SPZ1: variants seen among roughly 807,000 people sequenced by gnomAD.
SPZ1 encodes spermatogenic leucine zipper protein 1.
For missense variants in SPZ1, 408 were observed against 486.2 expected (o/e 0.84, Z 1.51); for synonymous variants, 160 against 167.6 (o/e 0.95, Z 0.35).
chr5:80,320,166 C>A lies in SPZ1; in HGVS notation c.-50C>A. On this transcript the variant is annotated 5_prime_UTR_variant, in exon 1 of 1. Coordinates refer to ENST00000296739, the MANE Select transcript of SPZ1 (RefSeq NM_032567.4). ...CACCCACATTTGCACAAAGGACCAT[C>A]ACCTGTCCTTCCTGGAATCTCTAAA... 1 of 1,417,896 alleles carries A rather than the reference C, an allele frequency of 7.1e-7. No individual in the cohort carries two copies. The highest frequency in any genetic ancestry group is 1.3e-5 in the South Asian group (1 of 75,804). 87.8% of individuals were successfully genotyped at this position (1,417,896 alleles called of 1,614,324 possible).
Position 80,321,328 on chromosome 5 carries a change from G to T in SPZ1, c.1113G>T (p.Lys371Asn). ...AAAATCAGAAGCCATCAGAAGCAAA[G>T]AAAGTAGAAATGTATAAGCAGAACA... is the stretch of plus-strand genomic sequence containing the variant. ...DKKNQKPSEA[K>N]KVEMYKQNKQ... The change falls in exon 1 of 1, where the codon AAG becomes AAT. Residue 371 changes from lysine (K) to asparagine (N), a missense_variant. Physicochemically the swap from Lys to Asn is moderately conservative, Grantham distance 94. Transcript: ENST00000296739. The T allele has an allele frequency of 3.1e-6, 5 of 1,611,574 alleles. No individual in the cohort carries two copies. The highest frequency in any genetic ancestry group is 1.3e-5 in the African/African-American group (1 of 74,724).
rs1743528942 is a variant in SPZ1, at chr5:80,320,392, A to G, written c.177A>G (p.Gln59=). The G allele has an allele frequency of 2.5e-6, 4 of 1,614,074 alleles. No homozygotes were observed. The East Asian group carries it at 8.9e-5, about 36-fold the overall frequency. The change falls in exon 1 of 1, where the codon CAA becomes CAG. Residue 59 remains glutamine, a synonymous_variant. Coordinates refer to ENST00000296739, the MANE Select transcript of SPZ1 (RefSeq NM_032567.4). Reference sequence around the variant, plus strand: ...CTTTCCTAAAGAATAGCAGCCATCAAGTTACAGAACAACAGACTGCACAGA... The same window carrying G: ...CTTTCCTAAAGAATAGCAGCCATCAGGTTACAGAACAACAGACTGCACAGA... ...SLPFLKNSSH[Q]VTEQQTAQKF...
chr5:80,320,323 A>C lies in SPZ1; in HGVS notation c.108A>C (p.Leu36Phe), dbSNP rs760335975. Residue 36 changes from leucine (L) to phenylalanine (F), a missense_variant, in exon 1 of 1, where the codon TTA (leucine) becomes TTC (phenylalanine). By Grantham distance (22) the Leu-to-Phe change is conservative. Coordinates refer to ENST00000296739, the MANE Select transcript of SPZ1 (RefSeq NM_032567.4). Reference sequence around the variant, plus strand: ...TGGACCCTAGGATTACCATTGCCTTATTCGAAATTGGATCACATTCCCCTT... The same window carrying C: ...TGGACCCTAGGATTACCATTGCCTTCTTCGAAATTGGATCACATTCCCCTT... The part of the protein sequence containing the change: ...EYLDPRITIA[L>F]FEIGSHSPSS... 6.2e-7 allele frequency: 1 copy of C among 1,614,070 alleles called. No individual in the cohort carries two copies. Among genetic ancestry groups the C allele is most frequent in the Non-Finnish European group, 8.5e-7 (1 of 1,179,990 alleles).
chr5:80,320,056 G>A lies in SPZ1; in HGVS notation c.-160G>A. The A allele has an allele frequency of 4.9e-6, 3 of 615,412 alleles. No homozygotes were observed. The highest frequency in any genetic ancestry group is 4.4e-4 in the Middle Eastern group (1 of 2,274). 38.1% of individuals were successfully genotyped at this position (615,412 alleles called of 1,614,324 possible). A position where few individuals can be genotyped will look rare whatever the true frequency, so the allele number is the denominator to read the frequency against. ...ACCCTTCCTCCCCACAAGGCTGTCT[G>A]AGATGCCACCTTCCACCTAAACATC... is the stretch of plus-strand genomic sequence containing the variant. On this transcript the variant is annotated 5_prime_UTR_variant, in exon 1 of 1. Coordinates refer to ENST00000296739, the MANE Select transcript of SPZ1 (RefSeq NM_032567.4).
chr5:80,321,808 T>G lies in SPZ1; in HGVS notation c.*300T>G, dbSNP rs1274125657. The G allele has an allele frequency of 6.8e-5, 14 of 205,388 alleles. No homozygotes were observed. 12.7% of individuals were successfully genotyped at this position (205,388 alleles called of 1,614,324 possible). A position where few individuals can be genotyped will look rare whatever the true frequency, so the allele number is the denominator to read the frequency against. On this transcript the variant is annotated 3_prime_UTR_variant, in exon 1 of 1. Coordinates refer to ENST00000296739, the MANE Select transcript of SPZ1 (RefSeq NM_032567.4). ...GTGAGAAGTTAAAGGTCCAATTAAG[T>G]AAAGATCTAAATAAAAACCAGAATA...
Position 80,320,820 on chromosome 5 carries a change from C to A in SPZ1, c.605C>A (p.Thr202Asn). The change falls in exon 1 of 1, where the codon ACC becomes AAC. Residue 202 changes from threonine to asparagine, a missense_variant. Physicochemically the swap from Thr to Asn is moderately conservative, Grantham distance 65 (BLOSUM62 0). Transcript: ENST00000296739. ...ATGGAAAACCAGAACTCTGAGAACA[C>A]CGCACAAGTTTTTGCAAGAGATTTG... ...MIMENQNSEN[T>N]AQVFARDLVN... 2 of 1,614,102 alleles carry A rather than the reference C, an allele frequency of 1.2e-6. No homozygotes were observed. The highest frequency in any genetic ancestry group is 2.2e-5 in the South Asian group (2 of 91,072).
Position 80,320,944 on chromosome 5 carries a change from T to C in SPZ1, c.729T>C (p.Ile243=), listed in dbSNP as rs1465455330. ...RLNVQEETMK[I]RNNMEQLLQE... is the part of the protein sequence containing the mutation. The stretch of plus-strand genomic sequence containing the variant: ...ATGTTCAAGAAGAAACTATGAAAAT[T>C]AGGAACAACATGGAGCAGTTACTAC... The change falls in exon 1 of 1, where the codon ATT becomes ATC. Residue 243 remains isoleucine (I), a synonymous_variant. Coordinates refer to ENST00000296739, the MANE Select transcript of SPZ1 (RefSeq NM_032567.4). 6.2e-7 allele frequency: 1 copy of C among 1,610,652 alleles called. No individual in the cohort carries two copies. The highest frequency in any genetic ancestry group is 1.7e-5 in the Admixed American group (1 of 59,218).
In SPZ1 at chr5:80,320,599, T is replaced by C. The variant is rs755075819; in HGVS notation, c.384T>C (p.Pro128=). 1.2e-6 allele frequency: 2 copies of C among 1,613,568 alleles called. No homozygotes were observed. The highest frequency in any genetic ancestry group is 3.3e-4 in the Middle Eastern group (2 of 6,006). The change falls in exon 1 of 1, where the codon CCT becomes CCC. Residue 128 remains proline, a synonymous_variant. Transcript: ENST00000296739. ...ATGAAATGTTATCAACAAACCTGCC[T>C]GTTAGTTTAGCCCCAGAGAAAGAAG... is the stretch of plus-strand genomic sequence containing the variant. ...KINEMLSTNL[P]VSLAPEKEDN... is the part of the protein sequence containing the mutation.
chr5:80,321,495 G>T lies in SPZ1; in HGVS notation c.1280G>T (p.Ser427Ile). ...KALRGKMRSA[S>I]SLR ...CTTAGGGGAAAAATGAGGTCAGCTA[G>T]CAGCCTAAGATAGAAAATACCAAAA... Residue 427 changes from serine to isoleucine, a missense_variant, in exon 1 of 1, where the codon AGC becomes ATC. Transcript: ENST00000296739. 1 of 1,578,252 alleles carries T rather than the reference G, an allele frequency of 6.3e-7. No individual in the cohort carries two copies. Among genetic ancestry groups the T allele is most frequent in the Non-Finnish European group, 8.6e-7 (1 of 1,169,574 alleles).
In SPZ1 at chr5:80,321,006, T is replaced by C; in HGVS notation, c.791T>C (p.Leu264Pro). The C allele has an allele frequency of 6.2e-7, 1 of 1,614,094 alleles. No homozygotes were observed. ...AEHWSKQHTE[L>P]SKLIKSYQKS... ...CACTGGAGTAAACAACATACTGAGC[T>C]CAGTAAACTGATAAAATCCTATCAG... Residue 264 changes from leucine (L) to proline (P), a missense_variant, in exon 1 of 1, where the codon CTC (leucine) becomes CCC (proline). By Grantham distance (98) the Leu-to-Pro change is moderately conservative. Coordinates refer to ENST00000296739, the MANE Select transcript of SPZ1 (RefSeq NM_032567.4).
Position 80,320,274 on chromosome 5 carries a change from C to G in SPZ1, c.59C>G (p.Thr20Ser). 2 of 1,613,784 alleles carry G rather than the reference C, an allele frequency of 1.2e-6. No homozygotes were observed. Among genetic ancestry groups the G allele is most frequent in the Non-Finnish European group, 1.7e-6 (2 of 1,179,836 alleles). The change falls in exon 1 of 1, where the codon ACT (threonine) becomes AGT (serine). Residue 20 changes from threonine to serine, a missense_variant. Physicochemically the swap from Thr to Ser is moderately conservative, Grantham distance 58. Transcript: ENST00000296739. The stretch of plus-strand genomic sequence containing the variant: ...ACCATCTCCAAAACCGTTAACCCTA[C>G]TCCTGATCCTCATCAAGAATATCTG... ...MPTISKTVNPTPDPHQEYLDP... is the reference protein window; with the variant it reads ...MPTISKTVNPSPDPHQEYLDP...
chr5:80,321,643 G>A lies in SPZ1; in HGVS notation c.*135G>A, dbSNP rs748817375. On this transcript the variant is annotated 3_prime_UTR_variant, in exon 1 of 1. Transcript: ENST00000296739. ...CCAAGAAAGAGCTATAGAATAAGGA[G>A]ATTGACACTTATATTACTCATTACT... 3.2e-6 allele frequency: 2 copies of A among 626,140 alleles called. No homozygotes were observed. The highest frequency in any genetic ancestry group is 5.4e-6 in the Non-Finnish European group (2 of 368,806). 38.8% of individuals were successfully genotyped at this position (626,140 alleles called of 1,614,324 possible).
Position 80,320,827 on chromosome 5 carries a change from A to G in SPZ1, c.612A>G (p.Gln204=), listed in dbSNP as rs773172335. The change falls in exon 1 of 1, where the codon CAA becomes CAG. Residue 204 remains glutamine (Q), a synonymous_variant. Coordinates refer to ENST00000296739, the MANE Select transcript of SPZ1 (RefSeq NM_032567.4). ...ACCAGAACTCTGAGAACACCGCACAAGTTTTTGCAAGAGATTTGGTAAATC... is the reference window on the plus strand; with the variant it reads ...ACCAGAACTCTGAGAACACCGCACAGGTTTTTGCAAGAGATTTGGTAAATC... ...MENQNSENTA[Q]VFARDLVNRL... is the part of the protein sequence containing the mutation. 1.1e-5 allele frequency: 17 copies of G among 1,614,208 alleles called. No homozygotes were observed. Among genetic ancestry groups the G allele is most frequent in the Non-Finnish European group, 1.4e-5 (17 of 1,180,040 alleles).
rs750326794 is a variant in SPZ1 at position 80,320,884 on chromosome 5, T to A, written c.669T>A (p.Thr223=). ...AAGAAAAAAAAGTCCTTAACGAAACTCAACAAAGTCAGGAAAAAGCAAAAA... is the reference window on the plus strand; with the variant it reads ...AAGAAAAAAAAGTCCTTAACGAAACACAACAAAGTCAGGAAAAAGCAAAAA... ...RLEEKKVLNE[T]QQSQEKAKNR... is the part of the protein sequence containing the mutation. The change falls in exon 1 of 1, where the codon ACT becomes ACA. Residue 223 remains threonine, a synonymous_variant. Coordinates refer to ENST00000296739, the MANE Select transcript of SPZ1 (RefSeq NM_032567.4). 1.5e-5 allele frequency: 24 copies of A among 1,609,584 alleles called. No homozygotes were observed. Among genetic ancestry groups the A allele is most frequent in the South Asian group, 2.2e-5 (2 of 89,432 alleles).
At chr5:80,321,384 AAGAC>A (rs1420287679), downstream of SPZ1, 12 of 1,613,778 alleles carry the variant, frequency 7.4e-6, no homozygotes, top group Admixed American at 1.7e-5. Context: ...TTTTGGAAAA[AAGAC>A]AGATCCTGTA....
chr5:80,321,094 A>G lies in SPZ1; in HGVS notation c.879A>G (p.Pro293=). The change falls in exon 1 of 1, where the codon CCA becomes CCG. Residue 293 remains proline, a synonymous_variant. Transcript: ENST00000296739. ...GNNGVGFQTQ[P]NNEVSAKHEL... ...ATGGAGTCGGTTTCCAAACCCAGCC[A>G]AATAATGAAGTGTCGGCTAAGCATG... 1.2e-6 allele frequency: 2 copies of G among 1,613,500 alleles called. No individual in the cohort carries two copies. The highest frequency in any genetic ancestry group is 1.7e-6 in the Non-Finnish European group (2 of 1,179,878).
At position 80,320,374 on chromosome 5, in the gene SPZ1, A is replaced by G. The variant is rs747240029; in HGVS notation, c.159A>G (p.Leu53=). The G allele has an allele frequency of 6.8e-6, 11 of 1,614,124 alleles. No homozygotes were observed. In the African/African-American group the frequency reaches 1.2e-4, roughly 18 times the overall value. The stretch of plus-strand genomic sequence containing the variant: ...CCTCCTGGGGCTCTCTCCCTTTCCT[A>G]AAGAATAGCAGCCATCAAGTTACAG... The part of the protein sequence containing the change: ...SPSSWGSLPF[L]KNSSHQVTEQ... Residue 53 remains leucine, a synonymous_variant, in exon 1 of 1, where the codon CTA becomes CTG. Coordinates refer to ENST00000296739, the MANE Select transcript of SPZ1 (RefSeq NM_032567.4).
rs1743559513 is a variant in SPZ1 at position 80,321,811 on chromosome 5, A to G, written c.*303A>G. ...AGAAGTTAAAGGTCCAATTAAGTAAAGATCTAAATAAAAACCAGAATACAA... is the reference window on the plus strand; with the variant it reads ...AGAAGTTAAAGGTCCAATTAAGTAAGGATCTAAATAAAAACCAGAATACAA... On this transcript the variant is annotated 3_prime_UTR_variant, in exon 1 of 1. Coordinates refer to ENST00000296739, the MANE Select transcript of SPZ1 (RefSeq NM_032567.4). The G allele has an allele frequency of 5.0e-6, 1 of 200,500 alleles. No homozygotes were observed. Among genetic ancestry groups the G allele is most frequent in the African/African-American group, 2.3e-5 (1 of 42,752 alleles). 12.4% of individuals were successfully genotyped at this position (200,500 alleles called of 1,614,324 possible).
In SPZ1 at chr5:80,321,220, A is replaced by G. The variant is rs374023153; in HGVS notation, c.1005A>G (p.Val335=). ...ENECQILQQR[V]EILKELHHQK... ...AATGCCAAATCTTACAGCAGAGAGTAGAGATTCTCAAGGAACTCCATCATC... is the reference window on the plus strand; with the variant it reads ...AATGCCAAATCTTACAGCAGAGAGTGGAGATTCTCAAGGAACTCCATCATC... Residue 335 remains valine (V), a synonymous_variant, in exon 1 of 1, where the codon GTA becomes GTG. Coordinates refer to ENST00000296739, the MANE Select transcript of SPZ1 (RefSeq NM_032567.4). The G allele has an allele frequency of 2.8e-4, 449 of 1,613,968 alleles. 1 individual carries two copies. The Middle Eastern group carries it at 5.6e-3, about 20-fold the overall frequency.
Sources: allele counts gnomAD v4.1 joint callset, GRCh38; gene constraint gnomAD v4.1.1; transcripts MANE v1.5; gene names NCBI Gene and HGNC (gene_info 2026-07-23, HGNC 2026-07-21).